Variants in RNF212B observed in about 807,000 individuals in gnomAD.
The protein encoded by RNF212B is E3 ubiquitin-protein ligase RNF212B.
RNF212B carries 52 observed loss-of-function variants against 55.5 expected under a neutral mutation model. The ratio of observed to expected loss-of-function variants is 0.94; its 90% CI spans 0.75 to 1.18. RNF212B has a LOEUF of 1.18. RNF212B is among the 50% of genes most tolerant of loss of function. The pLI is 0.00. For missense variants in RNF212B, 289 were observed against 350.4 expected, an observed-to-expected ratio of 0.82 and a Z score of 1.40; for synonymous variants, 99 against 121.4, an observed-to-expected ratio of 0.82 and a Z score of 1.21.
chr14:23,231,670 T>G (rs1414325979), intron 2 of RNF212B, among the ~76,000 whole-genome samples: 6 of 150,582 alleles, frequency 4.0e-5, no homozygotes, highest in Non-Finnish European at 3.0e-5. Flanking sequence ...TCTCTTTCCA[T>G]GGTCTCCCTC....
At chr14:23,210,566 A>G (rs1299310651) in intron 2 of RNF212B, among the ~76,000 whole-genome samples, 2 of 152,134 alleles carry the variant, frequency 1.3e-5, no homozygotes, top group African/African-American at 4.8e-5. Context: ...TCACGAGGTC[A>G]GGAGTTTGAG....
intron 2 of RNF212B, among the ~76,000 whole-genome samples, chr14:23,208,156 T>TG (rs1264374241): frequency 6.6e-6 from 1 of 152,174 alleles, no homozygotes; most frequent in East Asian, 1.9e-4. Context: ...AAGGGCAACC[T>TG]GGGCTCCTTG....
rs1886255383 is a variant in RNF212B at position 23,273,426 on chromosome 14, C to G, written c.*535C>G. 1 of 152,348 alleles carries G rather than the reference C, an allele frequency of 6.6e-6. No homozygotes were observed. Among genetic ancestry groups the G allele is most frequent in the Non-Finnish European group, 1.5e-5 (1 of 68,204 alleles). The allele number at this position is 152,348 out of a possible 1,614,324, so 9.4% of individuals were successfully genotyped here. On this transcript the variant is annotated 3_prime_UTR_variant, in exon 15 of 15. Transcript: ENST00000430154. ...AACAACTGTTGGAGACACTGATTTT[C>G]AGCTTAGTATATAGATAGTAAAATA...
intron 2 of RNF212B, among the ~76,000 whole-genome samples, chr14:23,213,920 G>T (rs1880816170): frequency 6.6e-6 from 1 of 152,194 alleles, no homozygotes; most frequent in African/African-American, 2.4e-5. Context: ...ACATTTCAGT[G>T]TTACATAGAT....
At chr14:23,216,608 G>C (rs931035445) in intron 2 of RNF212B, among the ~76,000 whole-genome samples, 1 of 151,706 alleles carries the variant, frequency 6.6e-6, no homozygotes, top group Non-Finnish European at 1.5e-5. Context: ...GGCTGGGTGT[G>C]GTGGCTCACG....
At chr14:23,264,713 A>G in intron 11 of RNF212B, 42 bp downstream of exon 11, 1 of 1,196,832 alleles carries the variant, frequency 8.4e-7, no homozygotes, top group Non-Finnish European at 1.1e-6. Flanking sequence ...AACTTACTCT[A>G]TGCGAAGATC....
Position 23,232,475 on chromosome 14 carries a change from C to G in RNF212B, c.-1-7870C>G, listed in dbSNP as rs138790980. Among the ~76,000 whole-genome samples the G allele has an allele frequency of 1.9e-3, 196 of 104,040 alleles. 2 individuals carry two copies. The East Asian group carries it at 0.021, about 11-fold the overall frequency. The allele number at this position is 104,040 out of a possible 152,430, so 68.3% of individuals were successfully genotyped here. A position where few individuals can be genotyped will look rare whatever the true frequency, so the allele number is the denominator to read the frequency against. ...CCGCCCCGTCTGAGAAGTGAGGAGC[C>G]CCTCCGCCCGGCAGCCGCCCCGTCT... On this transcript the variant is annotated intron_variant, in intron 2 of 15. Coordinates refer to the RNF212B transcript ENST00000399910.
At chr14:23,259,707 CATT>C in intron 5 of RNF212B, 174 bp from the exon 6 acceptor site, 1 of 418,458 alleles carries the variant, frequency 2.4e-6, no homozygotes, top group Non-Finnish European at 4.3e-6. Context: ...TAATTGTTCT[CATT>C]ATCAAAACCC....
chr14:23,265,311 G>A (rs540880120), intron 11 of RNF212B, among the ~76,000 whole-genome samples: 51 of 152,292 alleles, frequency 3.3e-4, no homozygotes, highest in Admixed American at 1.0e-3. Flanking sequence ...AGGTTCACAG[G>A]ATGCTGATTG....
chr14:23,269,909 TC>T lies in RNF212B; in HGVS notation c.725del (p.Pro242GlnfsTer25). Reference protein sequence around the residue: ...SGQGIFSFRPSPNGHSGHTRV... With the variant: ...SGQGIFSFRPXPNGHSGHTRV... ...ACAGGGGATTTTTTCTTTCAGACCATCCCCAAATGGGCATTCAGGCCACACA... is the reference window on the plus strand; with the variant it reads ...ACAGGGGATTTTTTCTTTCAGACCATCCCAAATGGGCATTCAGGCCACACA... On this transcript the variant is annotated frameshift_variant, in exon 13 of 15. Coordinates refer to ENST00000430154, the MANE Select transcript of RNF212B (RefSeq NM_001282322.3). LOFTEE classifies it high-confidence loss of function. The T allele has an allele frequency of 6.5e-7, 1 of 1,549,848 alleles. No homozygotes were observed.
chr14:23,264,542 G>A, intron 10 of RNF212B, 81 bp from the exon 11 acceptor site: 2 of 982,154 alleles, frequency 2.0e-6, no homozygotes, highest in Non-Finnish European at 2.8e-6. Context: ...GCTTGAATGT[G>A]TAGCTATAGA....
chr14:23,230,162 A>G (rs1956773151), intron 2 of RNF212B: 3 of 155,126 alleles, frequency 1.9e-5, no homozygotes, highest in Admixed American at 1.9e-4. Context: ...GGAAAAAGGA[A>G]GAGAGAGAGA....
At chr14:23,219,177 C>A (rs1881342871) in intron 2 of RNF212B, among the ~76,000 whole-genome samples, 4 of 152,162 alleles carry the variant, frequency 2.6e-5, no homozygotes, top group Admixed American at 2.6e-4. Context: ...AACTGTCTTA[C>A]AAGAAATGCT....
At chr14:23,206,178 C>G (rs1879814903) in intron 2 of RNF212B, among the ~76,000 whole-genome samples, 2 of 152,054 alleles carry the variant, frequency 1.3e-5, no homozygotes, top group African/African-American at 4.8e-5. Flanking sequence ...GGGTTCAAGC[C>G]ATTCTCCTGC....
chr14:23,267,033 A>G (rs1481207717), intron 11 of RNF212B, among the ~76,000 whole-genome samples: 1 of 152,106 alleles, frequency 6.6e-6, no homozygotes, highest in Non-Finnish European at 1.5e-5. Context: ...TAGTGGCACA[A>G]TTGTGGCTCA....
intron 2 of RNF212B, among the ~76,000 whole-genome samples, chr14:23,195,266 G>GAA (rs398056931): frequency 1.6e-5 from 2 of 127,696 alleles, no homozygotes; most frequent in African/African-American, 5.7e-5. Context: ...TGTCTCTAAA[G>GAA]AAAAAAAAAA....
At chr14:23,217,256 G>A (rs200197774) in intron 2 of RNF212B, among the ~76,000 whole-genome samples, 2 of 18,924 alleles carry the variant, frequency 1.1e-4, no homozygotes, top group Admixed American at 1.5e-3. Flanking sequence ...TGGCAGTGGT[G>A]GGGGGGGGGC....
At chr14:23,253,208 C>T (rs541631011) in intron 4 of RNF212B, among the ~76,000 whole-genome samples, 1 of 152,180 alleles carries the variant, frequency 6.6e-6, no homozygotes, top group Admixed American at 6.5e-5. Context: ...ATAACAATTC[C>T]ATAATATTAT....
intron 4 of RNF212B, among the ~76,000 whole-genome samples, chr14:23,257,016 G>C (rs1884884080): frequency 6.6e-6 from 1 of 152,070 alleles, no homozygotes; most frequent in African/African-American, 2.4e-5. Context: ...AGCCAGGCGT[G>C]GTGGCGGACG....
Sources: gnomAD v4.1 joint callset for allele counts (sites outside exome capture counted in the v4.1 genomes callset) on GRCh38, gnomAD v4.1.1 for gene constraint, MANE v1.5 for transcripts, NCBI Gene and HGNC (gene_info 2026-07-23, HGNC 2026-07-21) for gene names.